C15orf40: variants seen among roughly 807,000 people sequenced by gnomAD.
The protein encoded by C15orf40 is chromosome 15 open reading frame 40, also known as UPF0235 protein C15orf40.
In C15orf40, 9 loss-of-function variants were observed where a neutral mutation model predicts 13.9. That is an observed-to-expected ratio of 0.65 (90% CI 0.39 to 1.13). The LOEUF is 1.13. Ranked by LOEUF, C15orf40 falls within the 50% of genes most tolerant of loss-of-function variation. The pLI, the probability that C15orf40 is intolerant of heterozygous loss-of-function variation, is 0.01. For missense variants in C15orf40, 225 were observed against 188.5 expected (o/e 1.19, Z -1.13); for synonymous variants, 95 against 69.2 (o/e 1.37, Z -1.85).
downstream of C15orf40, among the ~76,000 whole-genome samples, chr15:82,993,838 T>G (rs1251899216): frequency 6.6e-6 from 1 of 152,156 alleles, no homozygotes; most frequent in Non-Finnish European, 1.5e-5. Context: ...AAAATAAAAT[T>G]ACTAACATTT....
At chr15:82,992,086 C>T (rs1483544255), downstream of C15orf40, 1 of 421,706 alleles carries the variant, frequency 2.4e-6, no homozygotes, top group Admixed American at 2.7e-5. Context: ...TGTGGTGGTG[C>T]ACGCCTGTAG....
chr15:83,009,072 T>TGG, intron 2 of C15orf40, among the ~76,000 whole-genome samples: 1 of 152,280 alleles, frequency 6.6e-6, no homozygotes, highest in East Asian at 1.9e-4. Context: ...TACTAGATTG[T>TGG]ACAAGGTTGT....
chr15:83,007,381 G>T (rs1220183512), intron 3 of C15orf40, among the ~76,000 whole-genome samples: 1 of 152,198 alleles, frequency 6.6e-6, no homozygotes, highest in Non-Finnish European at 1.5e-5. Context: ...ATTCAGAAAG[G>T]AGAAAACACT....
Position 83,005,402 on chromosome 15 carries a change from A to G in C15orf40, c.*195T>C. 1.6e-6 allele frequency: 1 copy of G among 625,944 alleles called. No individual in the cohort carries two copies. The highest frequency in any genetic ancestry group is 2.2e-6 in the Non-Finnish European group (1 of 460,134). The allele number at this position is 625,944 out of a possible 1,614,324, so 38.8% of individuals were successfully genotyped here. A position where few individuals can be genotyped will look rare whatever the true frequency, so the allele number is the denominator to read the frequency against. On this transcript the variant is annotated 3_prime_UTR_variant, in exon 4 of 4. Coordinates refer to ENST00000304177, the MANE Select transcript of C15orf40 (RefSeq NM_144597.3). Reference sequence around the variant, plus strand: ...CAGGTTCAAGTGATTCTCCTGCCTCAGCCTCCTGAGTAACTGGGATTACAG... The same window carrying G: ...CAGGTTCAAGTGATTCTCCTGCCTCGGCCTCCTGAGTAACTGGGATTACAG...
At chr15:83,006,532 G>T (rs991196620) in intron 3 of C15orf40, 1 of 933,344 alleles carries the variant, frequency 1.1e-6, no homozygotes, top group Admixed American at 6.2e-5. Context: ...GGCTGAGGCG[G>T]GTGGATCACC....
chr15:83,001,204 C>G lies in C15orf40; in HGVS notation c.*4393G>C, dbSNP rs2031402267. 1 of 985,348 alleles carries G rather than the reference C, an allele frequency of 1.0e-6. No homozygotes were observed. Among genetic ancestry groups the G allele is most frequent in the African/African-American group, 1.7e-5 (1 of 57,230 alleles). 61.0% of individuals were successfully genotyped at this position (985,348 alleles called of 1,614,324 possible). A position where few individuals can be genotyped will look rare whatever the true frequency, so the allele number is the denominator to read the frequency against. Reference sequence around the variant, plus strand: ...AAAGTGTGGAATGGCTCACAGAAATCAGAAGTCTGAAATCTCTGCTCCTGC... The same window carrying G: ...AAAGTGTGGAATGGCTCACAGAAATGAGAAGTCTGAAATCTCTGCTCCTGC... On this transcript the variant is annotated 3_prime_UTR_variant, in exon 4 of 4. Coordinates refer to ENST00000304177, the MANE Select transcript of C15orf40 (RefSeq NM_144597.3).
chr15:83,010,251 T>G lies in C15orf40; in HGVS notation c.224A>C (p.Gln75Pro), dbSNP rs780714622. ...IAIHAKPGSK[Q>P]NAVTDLTAEA... ...TCCAGGTATACCTGTTACAGCATTTTGTTTGGAGCCAGGTTTTGCATGGAT... is the reference window on the plus strand; with the variant it reads ...TCCAGGTATACCTGTTACAGCATTTGGTTTGGAGCCAGGTTTTGCATGGAT... Residue 75 changes from glutamine (Q) to proline (P), a missense_variant, in exon 2 of 4, where the codon CAA becomes CCA. Physicochemically the swap from Gln to Pro is moderately conservative, Grantham distance 76. Coordinates refer to ENST00000304177, the MANE Select transcript of C15orf40 (RefSeq NM_144597.3). 1.5e-5 allele frequency: 25 copies of G among 1,614,220 alleles called. No individual in the cohort carries two copies. The highest frequency in any genetic ancestry group is 2.1e-5 in the Non-Finnish European group (25 of 1,180,030).
rs2031339065 is a variant in C15orf40 at position 82,999,842 on chromosome 15, AC to A, written c.*5754del. ...CAAACTCTATCTAGGGGACCGATGG[AC>A]CCTGAGGCAGACAGGATTATAAAAT... is the stretch of plus-strand genomic sequence containing the variant. On this transcript the variant is annotated 3_prime_UTR_variant, in exon 4 of 4. Transcript: ENST00000304177. 5.3e-5 allele frequency: 8 copies of A among 152,246 alleles called. No individual in the cohort carries two copies. The South Asian group carries it at 1.5e-3, about 28-fold the overall frequency. 9.4% of individuals were successfully genotyped at this position (152,246 alleles called of 1,614,324 possible). A position where few individuals can be genotyped will look rare whatever the true frequency, so the allele number is the denominator to read the frequency against.
rs1490286867 is a variant in C15orf40 at position 83,002,099 on chromosome 15, G to A, written c.*3498C>T. On this transcript the variant is annotated 3_prime_UTR_variant, in exon 4 of 4. Coordinates refer to ENST00000304177, the MANE Select transcript of C15orf40 (RefSeq NM_144597.3). ...ATTTTTGTAATTTTTAGTAGAGGTG[G>A]GGTTTCACCATGGTGGCCAGGCTGG... 1 of 152,244 alleles carries A rather than the reference G, an allele frequency of 6.6e-6. No homozygotes were observed. Among genetic ancestry groups the A allele is most frequent in the Admixed American group, 6.6e-5 (1 of 15,264 alleles). 9.4% of individuals were successfully genotyped at this position (152,244 alleles called of 1,614,324 possible).
At chr15:83,008,399 A>T (rs2031810627) in intron 3 of C15orf40, 149 bp downstream of exon 3, 1 of 732,384 alleles carries the variant, frequency 1.4e-6, no homozygotes, top group African/African-American at 1.8e-5. Flanking sequence ...TGCGCCTATA[A>T]TCCCAGCTAC....
chr15:83,010,500 A>C, intron 1 of C15orf40, 137 bp from the exon 2 acceptor site: 1 of 999,300 alleles, frequency 1.0e-6, no homozygotes, highest in Non-Finnish European at 1.5e-6. Flanking sequence ...CTGGCCACCT[A>C]GAAAGCTTTT....
chr15:83,005,639 T>C lies in C15orf40; in HGVS notation c.420A>G (p.Glu140=), dbSNP rs2031639063. 1 of 1,612,538 alleles carries C rather than the reference T, an allele frequency of 6.2e-7. No individual in the cohort carries two copies. The highest frequency in any genetic ancestry group is 8.5e-7 in the Non-Finnish European group (1 of 1,179,422). ...CCTTTTTTAATTTCTCCAAGATCTC[T>C]TCTGGAGTTGTAGAAGCCAAAAGCT... The part of the protein sequence containing the change: ...VVKLLASTTP[E]EILEKLKKEA... The change falls in exon 4 of 4, where the codon GAA becomes GAG. Residue 140 remains glutamate (E), a synonymous_variant. Transcript: ENST00000304177.
Position 83,002,788 on chromosome 15 carries a change from G to A in C15orf40, c.*2809C>T, listed in dbSNP as rs2031471020. ...GGCACTGCAGAAGATTCAGGGGAAG[G>A]AAAGAAAGCTGATTTTTTTTTTTCT... On this transcript the variant is annotated 3_prime_UTR_variant, in exon 4 of 4. Coordinates refer to ENST00000304177, the MANE Select transcript of C15orf40 (RefSeq NM_144597.3). The A allele has an allele frequency of 6.6e-6, 1 of 152,238 alleles. No individual in the cohort carries two copies. Among genetic ancestry groups the A allele is most frequent in the Non-Finnish European group, 1.5e-5 (1 of 68,074 alleles). The allele number at this position is 152,238 out of a possible 1,614,324, so 9.4% of individuals were successfully genotyped here. A position where few individuals can be genotyped will look rare whatever the true frequency, so the allele number is the denominator to read the frequency against.
chr15:83,008,236 C>T, intron 3 of C15orf40: 1 of 242,594 alleles, frequency 4.1e-6, no homozygotes, highest in Non-Finnish European at 8.1e-6. Context: ...AAGAGAGAGA[C>T]CTCCGGGCAT....
At chr15:83,005,808 G>T in intron 3 of C15orf40, 116 bp from the exon 4 acceptor site, 1 of 1,378,078 alleles carries the variant, frequency 7.3e-7, no homozygotes, top group South Asian at 1.6e-5. Flanking sequence ...GGTTACTTCT[G>T]GTCTAACCAA....
intron 2 of C15orf40, among the ~76,000 whole-genome samples, chr15:83,009,101 G>GCCGC: frequency 6.6e-6 from 1 of 152,082 alleles, no homozygotes; most frequent in East Asian, 1.9e-4. Flanking sequence ...TCCTCAACAG[G>GCCGC]AAAATGAGAG....
intron 2 of C15orf40, 137 bp from the exon 3 acceptor site, chr15:83,008,812 G>T: frequency 1.0e-6 from 1 of 962,674 alleles, no homozygotes; most frequent in Non-Finnish European, 1.5e-6. Flanking sequence ...AGAAATGAAT[G>T]ATTAAACTAA....
chr15:83,011,210 T>G, intron 1 of C15orf40: 1 of 338,600 alleles, frequency 3.0e-6, no homozygotes, highest in South Asian at 9.0e-5. Context: ...GGACTGGGAG[T>G]GCGGGTAGGA....
At position 83,003,901 on chromosome 15, in the gene C15orf40, C is replaced by T. The variant is rs1247460617; in HGVS notation, c.*1696G>A. 1 of 152,202 alleles carries T rather than the reference C, an allele frequency of 6.6e-6. No individual in the cohort carries two copies. Among genetic ancestry groups the T allele is most frequent in the Non-Finnish European group, 1.5e-5 (1 of 68,070 alleles). The allele number at this position is 152,202 out of a possible 1,614,324, so 9.4% of individuals were successfully genotyped here. On this transcript the variant is annotated 3_prime_UTR_variant, in exon 4 of 4. Transcript: ENST00000304177. ...TAGCTGAGATTACAGGCACCCACCA[C>T]CATGCCTGGCTAGTTTTTATATTTT...
Sources: allele counts gnomAD v4.1 joint callset (sites outside exome capture counted in the v4.1 genomes callset), GRCh38; gene constraint gnomAD v4.1.1; transcripts MANE v1.5; gene names NCBI Gene and HGNC (gene_info 2026-07-23, HGNC 2026-07-21).